The following CALN1 variants were observed in gnomAD, a reference collection of about 807,000 sequenced individuals.
CALN1 encodes the protein calcium-binding protein 8.
A neutral mutation model predicts 30.6 loss-of-function variants in CALN1; 17 were observed. The observed-to-expected ratio is 0.56, with a 90% CI of 0.38 to 0.83. The LOEUF (loss-of-function observed/expected upper bound fraction) is 0.83, where lower values mean the gene tolerates loss of function less well. Ranked by LOEUF, CALN1 falls within the 40% of genes least tolerant of loss-of-function variation. The pLI is 0.00. For synonymous variants in CALN1, 156 were observed against 131.4 expected, an observed-to-expected ratio of 1.19 and a Z score of -1.28; for missense variants, 291 against 354.9, an observed-to-expected ratio of 0.82 and a Z score of 1.45.
chr7:72,105,912 C>T (rs945070986), intron 4 of CALN1, among the ~76,000 whole-genome samples: 20 of 151,646 alleles, frequency 1.3e-4, no homozygotes, highest in African/African-American at 4.8e-4. Flanking sequence ...GATGCTGTAA[C>T]TGTTCCACCA....
At chr7:72,147,481 G>GAAC (rs775589538) in intron 3 of CALN1, among the ~76,000 whole-genome samples, 3 of 100,926 alleles carry the variant, frequency 3.0e-5, no homozygotes, top group Admixed American at 9.0e-5. Context: ...TGTTGGAGAG[G>GAAC]ACTGTTACAC....
At chr7:72,338,063 A>G (rs958147464) in intron 2 of CALN1, among the ~76,000 whole-genome samples, 29 of 152,148 alleles carry the variant, frequency 1.9e-4, no homozygotes, top group African/African-American at 7.0e-4. Context: ...ACACAGTGCA[A>G]CCAAGGTTTG....
intron 6 of CALN1, among the ~76,000 whole-genome samples, chr7:71,789,216 A>G (rs1451846353): frequency 2.6e-5 from 4 of 152,020 alleles, no homozygotes; most frequent in Non-Finnish European, 1.5e-5. Flanking sequence ...CAGGAGTTTG[A>G]GACCAGCCTG....
intron 5 of CALN1, among the ~76,000 whole-genome samples, chr7:71,924,514 A>T (rs557137062): frequency 1.3e-5 from 2 of 152,172 alleles, no homozygotes; most frequent in African/African-American, 4.8e-5. Flanking sequence ...AACACACCCA[A>T]TACGCTTGAA....
At chr7:71,967,843 C>G (rs10258507) in intron 5 of CALN1, among the ~76,000 whole-genome samples, 23,688 of 151,934 alleles carry the variant, frequency 0.16, 2,524 homozygotes, top group East Asian at 0.38. Context: ...ACTTATTAAA[C>G]AGGCTAAAAT....
At chr7:71,803,422 A>G (rs2116093840) in intron 6 of CALN1, among the ~76,000 whole-genome samples, 1 of 152,218 alleles carries the variant, frequency 6.6e-6, no homozygotes, top group African/African-American at 2.4e-5. Flanking sequence ...AATGAATTCT[A>G]TATGCAATGT....
chr7:72,273,897 T>C (rs773938574), intron 3 of CALN1, among the ~76,000 whole-genome samples: 81 of 151,600 alleles, frequency 5.3e-4, no homozygotes, highest in Non-Finnish European at 1.1e-3. Context: ...CAAAGCATAA[T>C]AGAAAAAAGC....
At chr7:72,293,088 T>C (rs1279537941) in intron 2 of CALN1, among the ~76,000 whole-genome samples, 1 of 152,178 alleles carries the variant, frequency 6.6e-6, no homozygotes, top group Non-Finnish European at 1.5e-5. Flanking sequence ...TTCTAACTGA[T>C]TTTATTCGTC....
At chr7:72,209,234 TTCCCTCTTTCCTTCCC>T in intron 3 of CALN1, among the ~76,000 whole-genome samples, 13 of 128,254 alleles carry the variant, frequency 1.0e-4, no homozygotes, top group Non-Finnish European at 1.2e-4. Flanking sequence ...CCCTCTTTCC[TTCCCTCTTTCCTTCCC>T]TCCTTCCCTC....
chr7:72,159,406 G>A (rs1218169273), intron 3 of CALN1, among the ~76,000 whole-genome samples: 1 of 152,156 alleles, frequency 6.6e-6, no homozygotes, highest in Non-Finnish European at 1.5e-5. Flanking sequence ...GGCTGAGGCA[G>A]GGAGGATCAC....
At chr7:71,922,841 A>C (rs1200121552) in intron 5 of CALN1, among the ~76,000 whole-genome samples, 1 of 136,296 alleles carries the variant, frequency 7.3e-6, no homozygotes, top group African/African-American at 2.9e-5. Flanking sequence ...ATATAAATAT[A>C]TAATATATAA....
chr7:71,798,117 C>CAGAGAGAGAG (rs1787056838), intron 6 of CALN1, among the ~76,000 whole-genome samples: 1 of 62,318 alleles, frequency 1.6e-5, no homozygotes, highest in African/African-American at 7.0e-5. Flanking sequence ...GAGACAGAGA[C>CAGAGAGAGAG]AGAGACAGAG....
Position 72,224,237 on chromosome 7 carries a change from TG to T in CALN1, c.244+54448del, listed in dbSNP as rs1212328281. ...TAAAATCTTCTAGGAGAATTAAAAT[TG>T]GAAGAAATGACTTTTTCATTCACTA... On this transcript the variant is annotated intron_variant, in intron 3 of 6. Coordinates refer to ENST00000395275, the MANE Select transcript of CALN1 (RefSeq NM_031468.4). Among the ~76,000 whole-genome samples, 107 of 152,298 alleles carry T rather than the reference TG, an allele frequency of 7.0e-4. 1 individual carries two copies. The highest frequency in any genetic ancestry group is 2.5e-3 in the African/African-American group (104 of 41,586).
intron 5 of CALN1, among the ~76,000 whole-genome samples, chr7:71,835,966 C>T (rs771863532): frequency 6.6e-6 from 1 of 152,162 alleles, no homozygotes; most frequent in Non-Finnish European, 1.5e-5. Flanking sequence ...GTGTTAGACT[C>T]GGCTAGGTGA....
intron 4 of CALN1, among the ~76,000 whole-genome samples, chr7:72,026,761 G>C (rs1424686169): frequency 1.3e-5 from 2 of 152,066 alleles, no homozygotes; most frequent in Non-Finnish European, 2.9e-5. Context: ...CATTTATCTT[G>C]AATATAGAAC....
chr7:72,139,689 A>G (rs978953034), intron 3 of CALN1, among the ~76,000 whole-genome samples: 1 of 152,024 alleles, frequency 6.6e-6, no homozygotes, highest in East Asian at 1.9e-4. Flanking sequence ...TAAGCTCCTC[A>G]GCCATGTCCA....
At chr7:72,120,509 A>T (rs1808303248) in intron 3 of CALN1, among the ~76,000 whole-genome samples, 1 of 152,160 alleles carries the variant, frequency 6.6e-6, no homozygotes, top group Non-Finnish European at 1.5e-5. Flanking sequence ...ATCTTTGTAC[A>T]CAAATTGTCA....
intron 5 of CALN1, among the ~76,000 whole-genome samples, chr7:71,911,466 C>A (rs1794421015): frequency 6.6e-6 from 1 of 152,036 alleles, no homozygotes. Flanking sequence ...CAGTTGGGGT[C>A]CTTTATTTGC....
intron 2 of CALN1, among the ~76,000 whole-genome samples, chr7:72,302,494 G>C (rs1352303201): frequency 6.6e-6 from 1 of 152,130 alleles, no homozygotes; most frequent in Non-Finnish European, 1.5e-5. Flanking sequence ...GGCTTAGAAA[G>C]TTTACAATTT....
Sources: gnomAD v4.1 joint callset for allele counts (sites outside exome capture counted in the v4.1 genomes callset) on GRCh38, gnomAD v4.1.1 for gene constraint, MANE v1.5 for transcripts, NCBI Gene and HGNC (gene_info 2026-07-23, HGNC 2026-07-21) for gene names.